The following SNX31 variants were observed in gnomAD, a reference collection of about 807,000 sequenced individuals.
The protein encoded by SNX31 is sorting nexin 31, also known as sorting nexin-31.
Under a neutral mutation model 65.4 loss-of-function variants are expected in SNX31, and 58 were observed. That is an observed-to-expected ratio of 0.89 (90% CI 0.72 to 1.10). The LOEUF (loss-of-function observed/expected upper bound fraction) is 1.10, where lower values mean the gene tolerates loss of function less well. Among genes scored for constraint, SNX31 ranks in the 50% least tolerant of loss-of-function variants. SNX31 has a pLI of 0.00. For missense variants in SNX31, 523 were observed against 529.7 expected, an observed-to-expected ratio of 0.99 and a Z score of 0.12; for synonymous variants, 181 against 190.1, an observed-to-expected ratio of 0.95 and a Z score of 0.39.
rs905045281 is a variant in SNX31, at chr8:100,578,921, C to G, written c.1171-1846G>C. ...ATTTTTGGTAGAGATGGGGTTTCAC[C>G]ATGTTGGCCAGGCTGGTCTCAAACT... On this transcript the variant is annotated intron_variant, in intron 12 of 13. Coordinates refer to ENST00000311812, the MANE Select transcript of SNX31 (RefSeq NM_152628.4). This position sits in a 1 kb window ranked among gnomAD's most constrained non-coding sequence, Gnocchi z 4.7. 2.6e-5 allele frequency among the ~76,000 whole-genome samples: 4 copies of G among 151,936 alleles called. No individual in the cohort carries two copies. The highest frequency in any genetic ancestry group is 9.7e-5 in the African/African-American group (4 of 41,366).
chr8:100,638,547 G>A (rs1247533494), intron 2 of SNX31, among the ~76,000 whole-genome samples: 2 of 152,132 alleles, frequency 1.3e-5, no homozygotes, highest in Admixed American at 6.5e-5. Context: ...TTTGGTGGTT[G>A]GTTGTTTGAT....
rs1043297503 is a variant in SNX31 at position 100,614,832 on chromosome 8, T to G, written c.433-1747A>C. ...AGGCAGAGGTTGCAGTGAGCCAAGATTGTACCATTGCATTCCAGCCTAGGC... is the reference window on the plus strand; with the variant it reads ...AGGCAGAGGTTGCAGTGAGCCAAGAGTGTACCATTGCATTCCAGCCTAGGC... On this transcript the variant is annotated intron_variant, in intron 5 of 13. Coordinates refer to ENST00000311812, the MANE Select transcript of SNX31 (RefSeq NM_152628.4). This position sits in a 1 kb window ranked among gnomAD's most constrained non-coding sequence, Gnocchi z 5.1. Among the ~76,000 whole-genome samples, 1 of 152,116 alleles carries G rather than the reference T, an allele frequency of 6.6e-6. No homozygotes were observed. The highest frequency in any genetic ancestry group is 2.4e-5 in the African/African-American group (1 of 41,402).
chr8:100,658,268 C>T (rs1403634375), intron 1 of SNX31, among the ~76,000 whole-genome samples: 2 of 152,180 alleles, frequency 1.3e-5, no homozygotes, highest in Admixed American at 6.5e-5. Flanking sequence ...ATGGAGGCTA[C>T]TGTTGGAAAA....
At chr8:100,652,872 G>A (rs1024910632), upstream of SNX31, among the ~76,000 whole-genome samples, 1 of 152,096 alleles carries the variant, frequency 6.6e-6, no homozygotes, top group African/African-American at 2.4e-5. Flanking sequence ...TGTGCATTAT[G>A]GGTTCCTTTG....
chr8:100,583,511 AT>A (rs1165183103), intron 12 of SNX31, among the ~76,000 whole-genome samples: 1 of 152,114 alleles, frequency 6.6e-6, no homozygotes, highest in Non-Finnish European at 1.5e-5. Context: ...TTAAAATATA[AT>A]TTTTTCACAG....
rs1815943710 is a variant in SNX31 at position 100,604,386 on chromosome 8, G to A, written c.682-3945C>T. On this transcript the variant is annotated intron_variant, in intron 8 of 13. Transcript: ENST00000311812. The surrounding 1 kb of genome is among the most constrained non-coding windows in gnomAD (Gnocchi z 4.3). ...GCAGAGGGCACAGTAGTGAGAAATA[G>A]AGGTCATATGCCTCTCAAAGGCCGG... 6.6e-6 allele frequency among the ~76,000 whole-genome samples: 1 copy of A among 152,234 alleles called. No individual in the cohort carries two copies. The highest frequency in any genetic ancestry group is 1.5e-5 in the Non-Finnish European group (1 of 68,046).
intron 2 of SNX31, among the ~76,000 whole-genome samples, chr8:100,643,227 A>G (rs1221513107): frequency 1.3e-5 from 2 of 152,124 alleles, no homozygotes; most frequent in Non-Finnish European, 2.9e-5. Flanking sequence ...AAACAAAAAA[A>G]TCCCAGAACA....
chr8:100,652,552 T>C (rs1433021860), upstream of SNX31, among the ~76,000 whole-genome samples: 3 of 152,222 alleles, frequency 2.0e-5, no homozygotes, highest in Non-Finnish European at 4.4e-5. Context: ...AAGAGGCCAT[T>C]TCTGTAATAT....
intron 4 of SNX31, among the ~76,000 whole-genome samples, chr8:100,624,470 A>T (rs972530754): frequency 2.0e-5 from 3 of 152,128 alleles, no homozygotes; most frequent in African/African-American, 7.2e-5. Flanking sequence ...TCCATCCATG[A>T]TGTCTATTTC....
intron 3 of SNX31, among the ~76,000 whole-genome samples, chr8:100,634,900 A>AT (rs1020485992): frequency 6.6e-5 from 9 of 136,830 alleles, no homozygotes; most frequent in South Asian, 2.4e-4. Context: ...TGTAAAAAAA[A>AT]TTTTTTTTTT....
chr8:100,650,398 C>G (rs1003382486), upstream of SNX31, among the ~76,000 whole-genome samples: 3 of 152,152 alleles, frequency 2.0e-5, no homozygotes, highest in African/African-American at 7.2e-5. Context: ...GACATCCTAC[C>G]ACGGACAAAA....
chr8:100,580,532 G>A (rs904009048), intron 12 of SNX31, among the ~76,000 whole-genome samples: 1 of 152,142 alleles, frequency 6.6e-6, no homozygotes, highest in African/African-American at 2.4e-5. Flanking sequence ...TTGTCGTAGG[G>A]GAAATTCTGA....
chr8:100,587,834 T>C (rs1814192156), intron 11 of SNX31, among the ~76,000 whole-genome samples: 1 of 152,240 alleles, frequency 6.6e-6, no homozygotes. Flanking sequence ...TATCTCATTA[T>C]ATACAATTAT....
In SNX31 at chr8:100,612,916, C is replaced by T. The variant is rs532034994; in HGVS notation, c.523+79G>A. ...ACAGCCCAGTGGGTGGCCAGCCCCT[C>T]AGCTGTGACTCCTATGAGCCCCTGC... On this transcript the variant is annotated intron_variant, in intron 6 of 13. Coordinates refer to ENST00000311812, the MANE Select transcript of SNX31 (RefSeq NM_152628.4). This position sits in a 1 kb window ranked among gnomAD's most constrained non-coding sequence, Gnocchi z 4.3. 2.5e-4 allele frequency: 306 copies of T among 1,240,094 alleles called. 1 individual carries two copies. The East Asian group carries it at 6.9e-3, about 28-fold the overall frequency. 76.8% of individuals were successfully genotyped at this position (1,240,094 alleles called of 1,614,324 possible). A position where few individuals can be genotyped will look rare whatever the true frequency, so the allele number is the denominator to read the frequency against.
rs1404399929 is a variant in SNX31, at chr8:100,622,158, T to TG, written c.322-4429dup. 6.6e-6 allele frequency among the ~76,000 whole-genome samples: 1 copy of TG among 152,242 alleles called. No individual in the cohort carries two copies. Among genetic ancestry groups the TG allele is most frequent in the Non-Finnish European group, 1.5e-5 (1 of 68,038 alleles). On this transcript the variant is annotated intron_variant, in intron 4 of 13. Coordinates refer to ENST00000311812, the MANE Select transcript of SNX31 (RefSeq NM_152628.4). The surrounding 1 kb of genome is among the most constrained non-coding windows in gnomAD (Gnocchi z 5.0). ...TAAATGCTTATTTGTAGAATGTTGT[T>TG]GGCTTTTTTTTCACGCTTAATTAGT... is the stretch of plus-strand genomic sequence containing the variant.
rs566819829 is a variant in SNX31, at chr8:100,609,218, C to T, written c.612-655G>A. On this transcript the variant is annotated intron_variant, in intron 7 of 13. Transcript: ENST00000311812. The surrounding 1 kb of genome is among the most constrained non-coding windows in gnomAD (Gnocchi z 4.9). ...CCAACCATGTTTTCTCTCCTCTCTC[C>T]CTGCCTGGAAGACCAAGGCCCTCAC... 3.9e-5 allele frequency among the ~76,000 whole-genome samples: 6 copies of T among 152,186 alleles called. No individual in the cohort carries two copies. Among genetic ancestry groups the T allele is most frequent in the Non-Finnish European group, 5.9e-5 (4 of 68,044 alleles).
At chr8:100,591,440 G>T (rs571041506) in intron 10 of SNX31, among the ~76,000 whole-genome samples, 4 of 144,318 alleles carry the variant, frequency 2.8e-5, no homozygotes, top group East Asian at 4.2e-4. Flanking sequence ...AGTGAGCCGA[G>T]ATCGCGCCAC....
intron 10 of SNX31, among the ~76,000 whole-genome samples, chr8:100,593,237 TG>T: frequency 6.6e-6 from 1 of 152,068 alleles, no homozygotes; most frequent in South Asian, 2.1e-4. Context: ...GTGATATTGG[TG>T]GGGGAATATA....
intron 1 of SNX31, among the ~76,000 whole-genome samples, chr8:100,655,079 G>T (rs12550450): frequency 0.39 from 58,742 of 151,966 alleles, 12,018 homozygotes; most frequent in East Asian, 0.5. Context: ...TACTGCCTAG[G>T]AAGAGGAGGC....
Sources: gnomAD v4.1 joint callset for allele counts (sites outside exome capture counted in the v4.1 genomes callset) on GRCh38, gnomAD v4.1.1 for gene constraint, Gnocchi (gnomAD v3.1) non-coding constraint, MANE v1.5 for transcripts, NCBI Gene and HGNC (gene_info 2026-07-23, HGNC 2026-07-21) for gene names.